MTCL1: variants seen among roughly 807,000 people sequenced by gnomAD.
The protein encoded by MTCL1 is microtubule crosslinking factor 1, also known as microtubule cross-linking factor 1.
In MTCL1, 79 loss-of-function variants were observed where a neutral mutation model predicts 141.4. That is an observed-to-expected ratio of 0.56 (90% CI 0.47 to 0.67). The LOEUF is 0.67. Ranked by LOEUF, MTCL1 falls within the 30% of genes least tolerant of loss-of-function variation. The pLI is 0.00. For synonymous variants in MTCL1, 914 were observed against 875.8 expected (o/e 1.04, Z -0.77); for missense variants, 2,177 against 2,113.9 (o/e 1.03, Z -0.59).
At chr18:8,726,518 C>A (rs7244417) in intron 4 of MTCL1, among the ~76,000 whole-genome samples, 39,764 of 126,688 alleles carry the variant, frequency 0.31, 6,353 homozygotes, top group Admixed American at 0.45. Context: ...CAAGAGCGAG[C>A]GAGAGAGAGC....
intron 4 of MTCL1, among the ~76,000 whole-genome samples, chr18:8,742,516 C>G (rs1254000048): frequency 1.3e-5 from 2 of 152,108 alleles, no homozygotes; most frequent in African/African-American, 4.8e-5. Flanking sequence ...AGGGGGAAGC[C>G]CCTTATAAAA....
intron 6 of MTCL1, 150 bp downstream of exon 5, chr18:8,784,993 T>C: frequency 1.9e-6 from 1 of 524,676 alleles, no homozygotes; most frequent in East Asian, 3.5e-5. Context: ...AACCGGATCC[T>C]CTCTCTTGGT....
chr18:8,717,424 A>G (rs941275201), exon 1 of MTCL1: 1 of 152,434 alleles, frequency 6.6e-6, no homozygotes, highest in Non-Finnish European at 1.5e-5. Context: ...TGAAGAAGCA[A>G]AGGTGCGAGC....
At position 8,828,992 on chromosome 18, in the gene MTCL1, C is replaced by G. The variant is rs781156067; in HGVS notation, c.*18+28C>G. The G allele has an allele frequency of 2.4e-5, 38 of 1,614,014 alleles. No individual in the cohort carries two copies. Among genetic ancestry groups the G allele is most frequent in the Non-Finnish European group, 3.0e-5 (35 of 1,180,006 alleles). On this transcript the variant is annotated intron_variant, in intron 16 of 16. Transcript: ENST00000359865. The surrounding 1 kb of genome is among the most constrained non-coding windows in gnomAD (Gnocchi z 5.2). ...AAGTGCTTCCTTCCTTGTTTCCCAA[C>G]TGTCTGGAGAGGTCGTGTTGTGTAA...
chr18:8,778,483 A>G (rs938721115), intron 5 of MTCL1, among the ~76,000 whole-genome samples: 34 of 152,336 alleles, frequency 2.2e-4, no homozygotes, highest in African/African-American at 8.2e-4. Context: ...TTGGGATATC[A>G]GCTCACTGCA....
chr18:8,742,071 GC>G (rs1443979561), intron 4 of MTCL1, among the ~76,000 whole-genome samples: 1 of 151,158 alleles, frequency 6.6e-6, no homozygotes, highest in Non-Finnish European at 1.5e-5. Context: ...ATGGAGCCAA[GC>G]CTAATGATCT....
chr18:8,739,869 C>A (rs936694637), intron 4 of MTCL1, among the ~76,000 whole-genome samples: 1 of 152,058 alleles, frequency 6.6e-6, no homozygotes, highest in Non-Finnish European at 1.5e-5. Flanking sequence ...GTAGCTGGGA[C>A]TAAAGGCGCA....
intron 4 of MTCL1, among the ~76,000 whole-genome samples, chr18:8,747,850 G>A (rs1263547846): frequency 6.6e-6 from 1 of 152,162 alleles, no homozygotes; most frequent in African/African-American, 2.4e-5. Flanking sequence ...TCTGCATTGT[G>A]TTTTTCCTGA....
chr18:8,783,357 G>C (rs2096539169), intron 5 of MTCL1, among the ~76,000 whole-genome samples, 173 bp from the exon 5 acceptor site: 2 of 151,996 alleles, frequency 1.3e-5, no homozygotes, highest in Non-Finnish European at 1.5e-5. Flanking sequence ...AAAGCCCCTG[G>C]GCCCACCTCT....
chr18:8,781,633 TAATA>T (rs1388828974), intron 5 of MTCL1, among the ~76,000 whole-genome samples: 7 of 152,244 alleles, frequency 4.6e-5, no homozygotes, highest in African/African-American at 1.7e-4. Context: ...AGTTTATATA[TAATA>T]AATACACTTT....
upstream of MTCL1, among the ~76,000 whole-genome samples, chr18:8,712,450 G>A (rs890822502): frequency 6.6e-6 from 1 of 152,218 alleles, no homozygotes; most frequent in Non-Finnish European, 1.5e-5. Context: ...TGGCCTGGGG[G>A]TGGAGGGGCA....
intron 14 of MTCL1, 57 bp from the exon 14 acceptor site, chr18:8,824,642 G>C: frequency 2.1e-6 from 3 of 1,457,034 alleles, no homozygotes; most frequent in Non-Finnish European, 2.8e-6. Flanking sequence ...CATGGGTGTT[G>C]TGGTGTGTCA....
chr18:8,786,110 T>TCCCCACC lies in MTCL1; in HGVS notation c.1887+23_1887+24insACCCCCC. The TCCCCACC allele has an allele frequency of 1.5e-6, 2 of 1,310,348 alleles. No individual in the cohort carries two copies. Among genetic ancestry groups the TCCCCACC allele is most frequent in the South Asian group, 2.6e-5 (2 of 77,210 alleles). The allele number at this position is 1,310,348 out of a possible 1,614,324, so 81.2% of individuals were successfully genotyped here. On this transcript the variant is annotated intron_variant, in intron 7 of 16. Transcript: ENST00000359865. ...CCTGGAGGTCAGCGTGGGCAAGCAATCCCCCCCCCCCGCCCTCCCCCTCCT... is the reference window on the plus strand; with the variant it reads ...CCTGGAGGTCAGCGTGGGCAAGCAATCCCCACCCCCCCCCCCCCGCCCTCCCCCTCCT...
intron 7 of MTCL1, chr18:8,786,591 CT>C (rs1195054613): frequency 1.1e-5 from 4 of 349,944 alleles, no homozygotes; most frequent in East Asian, 7.5e-5. Context: ...GTGGGCACCC[CT>C]AGCAGTGTCT....
chr18:8,751,405 A>T (rs959586992), intron 4 of MTCL1, among the ~76,000 whole-genome samples: 2 of 152,156 alleles, frequency 1.3e-5, no homozygotes, highest in Non-Finnish European at 2.9e-5. Context: ...GCTTCTGAGG[A>T]TGTAAGTGAT....
chr18:8,762,502 T>C, intron 4 of MTCL1, among the ~76,000 whole-genome samples: 1 of 152,248 alleles, frequency 6.6e-6, no homozygotes, highest in East Asian at 1.9e-4. Flanking sequence ...GGCTCTCAAA[T>C]GAACAGTCGG....
At chr18:8,767,424 AAG>A (rs576549845) in intron 4 of MTCL1, among the ~76,000 whole-genome samples, 5 of 152,166 alleles carry the variant, frequency 3.3e-5, no homozygotes, top group Non-Finnish European at 5.9e-5. Context: ...TCCCTAGTGG[AAG>A]AGTCTCTTGG....
rs1382084274 is a variant in MTCL1 at position 8,754,276 on chromosome 18, G to T, written c.358-23557G>T. On this transcript the variant is annotated intron_variant, in intron 4 of 16. Transcript: ENST00000359865. ...AATAGAGACGGGGTTTCACCGTGTT[G>T]CCCAGGCTGGTCTCGAACTCCTGGC... is the stretch of plus-strand genomic sequence containing the variant. Among the ~76,000 whole-genome samples the T allele has an allele frequency of 6.6e-5, 10 of 152,114 alleles. No homozygotes were observed. In the East Asian group the frequency reaches 1.7e-3, roughly 26 times the overall value.
intron 14 of MTCL1, among the ~76,000 whole-genome samples, chr18:8,824,057 G>A (rs1047528262): frequency 2.6e-5 from 4 of 152,160 alleles, no homozygotes; most frequent in Non-Finnish European, 5.9e-5. Flanking sequence ...CCAGGCCAAA[G>A]AGGTTCTGTT....
Sources: gnomAD v4.1 joint callset for allele counts (sites outside exome capture counted in the v4.1 genomes callset) on GRCh38, gnomAD v4.1.1 for gene constraint, Gnocchi (gnomAD v3.1) non-coding constraint, MANE v1.5 for transcripts, NCBI Gene and HGNC (gene_info 2026-07-23, HGNC 2026-07-21) for gene names.